Variants in POLR1A observed in about 807,000 individuals in gnomAD.
POLR1A encodes the protein RNA polymerase I subunit A.
POLR1A carries 84 observed loss-of-function variants against 205.3 expected under a neutral mutation model. The observed-to-expected ratio is 0.41, with a 90% CI of 0.34 to 0.49. POLR1A has a LOEUF of 0.49. POLR1A is among the 20% of genes least tolerant of loss of function. The pLI is 0.22. For missense variants in POLR1A, 1,645 were observed against 2,204.5 expected (o/e 0.75, Z 5.08); for synonymous variants, 799 against 863.7 (o/e 0.93, Z 1.31).
chr2:86,093,099 G>A (rs373179226), intron 3 of POLR1A, among the ~76,000 whole-genome samples: 1 of 152,150 alleles, frequency 6.6e-6, no homozygotes, highest in Non-Finnish European at 1.5e-5. Flanking sequence ...TTTAAAAGGA[G>A]CCAAATTATC....
rs1336021230 is a variant in POLR1A at position 86,020,249 on chromosome 2, T to C, written c.*7174A>G. ...GATGCTTAGATTTATTAATAGAGAA[T>C]TGCAAACTGAAGTACAAATGAGGCT... On this transcript the variant is annotated 3_prime_UTR_variant, in exon 34 of 34. Transcript: ENST00000263857. 2 of 152,044 alleles carry C rather than the reference T, an allele frequency of 1.3e-5. No homozygotes were observed. Among genetic ancestry groups the C allele is most frequent in the East Asian group, 1.9e-4 (1 of 5,182 alleles). 9.4% of individuals were successfully genotyped at this position (152,044 alleles called of 1,614,324 possible).
chr2:86,083,203 T>G (rs1239632591), intron 6 of POLR1A, 35 bp from the exon 7 acceptor site: 1 of 1,421,968 alleles, frequency 7.0e-7, no homozygotes, highest in Non-Finnish European at 1.0e-6. Context: ...GTGCAATAAA[T>G]CAGAAACAGG....
intron 14 of POLR1A, among the ~76,000 whole-genome samples, chr2:86,057,714 G>A (rs1219815561): frequency 6.6e-6 from 1 of 152,188 alleles, no homozygotes; most frequent in East Asian, 1.9e-4. Flanking sequence ...GCTACATATT[G>A]TTTGATACAA....
At chr2:86,077,811 GCACACA>G (rs56874564) in intron 11 of POLR1A, 42 bp downstream of exon 11, 3,135 of 186,516 alleles carry the variant, frequency 0.017, 33 homozygotes, top group East Asian at 0.085. Flanking sequence ...ACGCGCGCGC[GCACACA>G]CACACACACA....
chr2:86,075,711 C>G (rs1345065720), intron 11 of POLR1A, among the ~76,000 whole-genome samples: 1 of 152,136 alleles, frequency 6.6e-6, no homozygotes, highest in Non-Finnish European at 1.5e-5. Flanking sequence ...TTTCTCCATG[C>G]TGGTCAGGCT....
At chr2:86,078,909 C>T (rs1673345981) in intron 9 of POLR1A, among the ~76,000 whole-genome samples, 1 of 152,164 alleles carries the variant, frequency 6.6e-6, no homozygotes, top group South Asian at 2.1e-4. Context: ...CTCCTCTCTC[C>T]CACTCCCTAC....
Position 86,027,241 on chromosome 2 carries a change from C to T in POLR1A, c.*182G>A, listed in dbSNP as rs1672277174. On this transcript the variant is annotated 3_prime_UTR_variant, in exon 34 of 34. Transcript: ENST00000263857. Reference sequence around the variant, plus strand: ...AAGGATGAGCAACTCTGTCACTTTCCAGGTGAAGCTGGCCCAGCTCAGAGG... The same window carrying T: ...AAGGATGAGCAACTCTGTCACTTTCTAGGTGAAGCTGGCCCAGCTCAGAGG... 9 of 608,236 alleles carry T rather than the reference C, an allele frequency of 1.5e-5. No individual in the cohort carries two copies. The South Asian group carries it at 1.7e-4, about 12-fold the overall frequency. The allele number at this position is 608,236 out of a possible 1,614,324, so 37.7% of individuals were successfully genotyped here. A position where few individuals can be genotyped will look rare whatever the true frequency, so the allele number is the denominator to read the frequency against.
intron 3 of POLR1A, among the ~76,000 whole-genome samples, chr2:86,098,297 C>T (rs1253176982): frequency 1.3e-5 from 2 of 152,154 alleles, no homozygotes; most frequent in Non-Finnish European, 2.9e-5. Flanking sequence ...TACTTTAAGA[C>T]AGATCAAAGA....
chr2:86,067,446 A>T (rs138320147), intron 13 of POLR1A, among the ~76,000 whole-genome samples: 12 of 152,324 alleles, frequency 7.9e-5, no homozygotes, highest in Admixed American at 7.2e-4. Flanking sequence ...AAGGAAAAAA[A>T]ATTAGTCCAA....
Position 86,043,015 on chromosome 2 carries a change from C to T in POLR1A, c.3316G>A (p.Glu1106Lys). The T allele has an allele frequency of 1.2e-6, 2 of 1,614,178 alleles. No individual in the cohort carries two copies. The stretch of plus-strand genomic sequence containing the variant: ...CTGCGGCCATTGCGGTTTTCACTCT[C>T]AAGTTTCAGGGCTTTCACAGCTTCC... ...IQEAVKALKLESENRNGRSPG... is the reference protein window; with the variant it reads ...IQEAVKALKLKSENRNGRSPG... Residue 1106 changes from glutamate (E) to lysine (K), a missense_variant, in exon 23 of 34, where the codon GAG (glutamate) becomes AAG (lysine). This residue lies in a region of POLR1A where 201 missense variants were observed against 222.3 expected (regional missense o/e 0.90). Coordinates refer to ENST00000263857, the MANE Select transcript of POLR1A (RefSeq NM_015425.6).
At chr2:86,099,914 A>G (rs1015369774) in intron 2 of POLR1A, 54 bp downstream of exon 2, 19 of 1,429,712 alleles carry the variant, frequency 1.3e-5, no homozygotes, top group Non-Finnish European at 1.9e-5. Context: ...GAGAGGCAGC[A>G]CTCACAAATC....
intron 14 of POLR1A, among the ~76,000 whole-genome samples, chr2:86,058,583 T>G (rs1672941781): frequency 1.3e-5 from 2 of 150,192 alleles, no homozygotes. Context: ...AACTGAAGTC[T>G]CCTCTTGCAC....
chr2:86,100,904 C>G (rs913405908), intron 1 of POLR1A, among the ~76,000 whole-genome samples: 2 of 152,012 alleles, frequency 1.3e-5, no homozygotes, highest in Non-Finnish European at 2.9e-5. Flanking sequence ...TTTCAGAGGA[C>G]GAAACCAAGG....
At chr2:86,030,799 T>C (rs1573800484) in intron 30 of POLR1A, among the ~76,000 whole-genome samples, 1 of 152,152 alleles carries the variant, frequency 6.6e-6, no homozygotes, top group South Asian at 2.1e-4. Context: ...AGCGTAAGTG[T>C]GTGCACATGT....
intron 12 of POLR1A, among the ~76,000 whole-genome samples, chr2:86,072,798 T>C (rs1188432163): frequency 6.6e-6 from 1 of 152,192 alleles, no homozygotes; most frequent in Non-Finnish European, 1.5e-5. Flanking sequence ...TTTTGGCCTT[T>C]CCCCTCCTCA....
chr2:86,084,519 T>C (rs963728428), intron 6 of POLR1A, among the ~76,000 whole-genome samples: 1 of 152,138 alleles, frequency 6.6e-6, no homozygotes, highest in Admixed American at 6.5e-5. Flanking sequence ...TTTATTCACA[T>C]ATCAGGACAG....
At chr2:86,036,187 C>G (rs1672493577) in intron 27 of POLR1A, among the ~76,000 whole-genome samples, 1 of 152,190 alleles carries the variant, frequency 6.6e-6, no homozygotes, top group Non-Finnish European at 1.5e-5. Context: ...TTTGGAAAGT[C>G]AGATTCACAG....
At chr2:86,098,835 C>T in intron 2 of POLR1A, 75 bp from the exon 3 acceptor site, 1 of 1,428,936 alleles carries the variant, frequency 7.0e-7, no homozygotes, top group Non-Finnish European at 9.8e-7. Flanking sequence ...GGTATACTCA[C>T]AAGTTTCTTT....
chr2:86,097,244 C>CAAAAAAAAAAAAAAAAAAAAAAAAAA (rs1213876753), intron 3 of POLR1A, among the ~76,000 whole-genome samples: 35 of 40,662 alleles, frequency 8.6e-4, no homozygotes, highest in African/African-American at 2.3e-3. Context: ...AAAAAAAAAG[C>CAAAAAAAAAAAAAAAAAAAAAAAAAA]AAATGCTGGT....
Sources: gnomAD v4.1 joint callset for allele counts (sites outside exome capture counted in the v4.1 genomes callset) on GRCh38, gnomAD v4.1.1 for gene constraint, gnomAD v4.1.1 regional missense constraint, MANE v1.5 for transcripts, NCBI Gene and HGNC (gene_info 2026-07-23, HGNC 2026-07-21) for gene names.